The following PDZRN3 variants were observed in gnomAD, a reference collection of about 807,000 sequenced individuals.
PDZRN3 encodes the protein PDZ domain containing ring finger 3.
PDZRN3 carries 38 observed loss-of-function variants against 85.7 expected under a neutral mutation model. That is an observed-to-expected ratio of 0.44 (90% CI 0.34 to 0.58). PDZRN3 has a LOEUF of 0.58. Ranked by LOEUF, PDZRN3 falls within the 20% of genes least tolerant of loss-of-function variation. The probability of loss-of-function intolerance (pLI) is 0.01; values close to 1 mark genes in which losing one functional copy is unlikely to be tolerated. For synonymous variants in PDZRN3, 759 were observed against 638.0 expected (o/e 1.19, Z -2.86); for missense variants, 1,629 against 1,506.4 (o/e 1.08, Z -1.35).
rs1301415586 is a variant in PDZRN3 at position 73,624,388 on chromosome 3, G to A, written c.438C>T (p.Cys146=). ...ARPVGRCQEG[C]GLPLTHGEQR... ...GCTCGCCGTGCGTCAAGGGTAGCCC[G>A]CAGCCCTCCTGGCAGCGGCCCACTG... is the stretch of plus-strand genomic sequence containing the variant. Residue 146 remains cysteine (C), a synonymous_variant, in exon 1 of 10, where the codon TGC becomes TGT. Coordinates refer to ENST00000263666, the MANE Select transcript of PDZRN3 (RefSeq NM_015009.3). 7 of 1,311,228 alleles carry A rather than the reference G, an allele frequency of 5.3e-6. No homozygotes were observed. The highest frequency in any genetic ancestry group is 2.2e-5 in the South Asian group (1 of 46,248). 81.2% of individuals were successfully genotyped at this position (1,311,228 alleles called of 1,614,324 possible).
intron 3 of PDZRN3, chr3:73,434,081 T>A: frequency 2.5e-6 from 1 of 406,420 alleles, no homozygotes; most frequent in Non-Finnish European, 3.3e-6. Flanking sequence ...CAGACAATGA[T>A]ACAGAAGCTA....
At chr3:73,546,656 T>C (rs1175112664) in intron 3 of PDZRN3, among the ~76,000 whole-genome samples, 9 of 152,352 alleles carry the variant, frequency 5.9e-5, no homozygotes, top group East Asian at 3.9e-4. Context: ...AAACATTTTA[T>C]AGTTGCCCTG....
intron 3 of PDZRN3, among the ~76,000 whole-genome samples, chr3:73,446,202 GC>G (rs542253119): frequency 2.3e-4 from 35 of 152,114 alleles, no homozygotes; most frequent in Non-Finnish European, 4.7e-4. Context: ...TCTGAGTTCT[GC>G]CCACCTTCTC....
In PDZRN3 at chr3:73,416,524, G is replaced by A. The variant is rs180881306; in HGVS notation, c.919-12129C>T. Among the ~76,000 whole-genome samples the A allele has an allele frequency of 3.9e-5, 6 of 151,938 alleles. No homozygotes were observed. The East Asian group carries it at 1.2e-3, about 29-fold the overall frequency. ...TCCCTCACAAGTACATGTGGATGTT[G>A]AGGACACTGCCTACTATTCTTACCC... is the stretch of plus-strand genomic sequence containing the variant. On this transcript the variant is annotated intron_variant, in intron 3 of 9. Coordinates refer to ENST00000263666, the MANE Select transcript of PDZRN3 (RefSeq NM_015009.3).
intron 3 of PDZRN3, among the ~76,000 whole-genome samples, chr3:73,523,321 G>A (rs951366281): frequency 2.0e-5 from 3 of 151,916 alleles, no homozygotes; most frequent in South Asian, 2.1e-4. Context: ...GCCACCATAC[G>A]GGGCCAAAAG....
chr3:73,584,662 T>C (rs1326274484), intron 3 of PDZRN3, among the ~76,000 whole-genome samples: 1 of 152,232 alleles, frequency 6.6e-6, no homozygotes, highest in Non-Finnish European at 1.5e-5. Flanking sequence ...AGTATTACTA[T>C]GGTATGTCCT....
At position 73,384,403 on chromosome 3, in the gene PDZRN3, C is replaced by T; in HGVS notation, c.2163G>A (p.Leu721=). The change falls in exon 10 of 10, where the codon CTG becomes CTA. Residue 721 remains leucine, a synonymous_variant. Coordinates refer to ENST00000263666, the MANE Select transcript of PDZRN3 (RefSeq NM_015009.3). Reference sequence around the variant, plus strand: ...TGTAGTTGCGGAAGCCGCTGTTGTGCAGCATCCAGGACTCGCGGTACTGCT... The same window carrying T: ...TGTAGTTGCGGAAGCCGCTGTTGTGTAGCATCCAGGACTCGCGGTACTGCT... ...LKEQYRESWM[L]HNSGFRNYNT... 1 of 1,609,732 alleles carries T rather than the reference C, an allele frequency of 6.2e-7. No individual in the cohort carries two copies. Among genetic ancestry groups the T allele is most frequent in the Non-Finnish European group, 8.5e-7 (1 of 1,179,954 alleles).
At chr3:73,417,609 T>TAGAA (rs1702118179) in intron 3 of PDZRN3, among the ~76,000 whole-genome samples, 1 of 152,236 alleles carries the variant, frequency 6.6e-6, no homozygotes, top group Non-Finnish European at 1.5e-5. Context: ...TATTTGCCTC[T>TAGAA]CTTCTGCTGT....
intron 7 of PDZRN3, among the ~76,000 whole-genome samples, chr3:73,388,985 T>G (rs891557485): frequency 7.0e-6 from 1 of 143,458 alleles, no homozygotes; most frequent in African/African-American, 2.6e-5. Context: ...CCCTGACCCT[T>G]CAGGTGTGAA....
chr3:73,600,230 G>A (rs1015746263), intron 3 of PDZRN3, among the ~76,000 whole-genome samples: 2 of 139,070 alleles, frequency 1.4e-5, no homozygotes, highest in Non-Finnish European at 3.2e-5. Flanking sequence ...AAGATCTGGT[G>A]GTGGTTTGCC....
chr3:73,435,819 T>C (rs916666459), intron 3 of PDZRN3, among the ~76,000 whole-genome samples: 4 of 152,206 alleles, frequency 2.6e-5, no homozygotes, highest in African/African-American at 9.6e-5. Context: ...CAGAAAGGGA[T>C]GACTCCACCG....
chr3:73,537,465 A>C (rs1704814579), intron 3 of PDZRN3, among the ~76,000 whole-genome samples: 1 of 152,338 alleles, frequency 6.6e-6, no homozygotes, highest in East Asian at 1.9e-4. Flanking sequence ...CTGTGACACT[A>C]ATCAGTCTAA....
At chr3:73,578,272 C>T (rs943145209) in intron 3 of PDZRN3, among the ~76,000 whole-genome samples, 3 of 151,730 alleles carry the variant, frequency 2.0e-5, no homozygotes, top group Non-Finnish European at 2.9e-5. Flanking sequence ...CAGGTCCACG[C>T]GATTCTCCTG....
In PDZRN3 at chr3:73,478,190, G is replaced by T. The variant is rs1703495640; in HGVS notation, c.919-73795C>A. Among the ~76,000 whole-genome samples the T allele has an allele frequency of 2.0e-5, 3 of 152,266 alleles. No homozygotes were observed. In the South Asian group the frequency reaches 6.2e-4, roughly 32 times the overall value. On this transcript the variant is annotated intron_variant, in intron 3 of 9. Coordinates refer to ENST00000263666, the MANE Select transcript of PDZRN3 (RefSeq NM_015009.3). ...CTTGGGGTTTCCAACCCCAGGACTG[G>T]TACCAGTCTGTGGCCTGTTAGTAAC...
intron 3 of PDZRN3, among the ~76,000 whole-genome samples, chr3:73,591,201 T>C (rs770356000): frequency 6.6e-6 from 1 of 152,234 alleles, no homozygotes; most frequent in Non-Finnish European, 1.5e-5. Flanking sequence ...AGATGAACTG[T>C]TCCTAATTTT....
At chr3:73,404,505 G>T in intron 3 of PDZRN3, 110 bp from the exon 4 acceptor site, 1 of 1,207,462 alleles carries the variant, frequency 8.3e-7, no homozygotes, top group East Asian at 2.4e-5. Flanking sequence ...AAAGAAGCAG[G>T]TGGTGGTGTC....
chr3:73,537,606 C>CT lies in PDZRN3; in HGVS notation c.918+64747dup, dbSNP rs11289800. ...AAAGGCCAATAAGACCTGTTATCTT[C>CT]TTTTTTTTAATTAAATTAATTTATT... is the stretch of plus-strand genomic sequence containing the variant. On this transcript the variant is annotated intron_variant, in intron 3 of 9. Transcript: ENST00000263666. 7.2e-3 allele frequency among the ~76,000 whole-genome samples: 1,097 copies of CT among 151,732 alleles called. 13 individuals are homozygous for CT. The highest frequency in any genetic ancestry group is 0.025 in the African/African-American group (1,052 of 41,304).
chr3:73,476,773 C>A (rs1281636556), intron 3 of PDZRN3, among the ~76,000 whole-genome samples: 2 of 152,152 alleles, frequency 1.3e-5, no homozygotes, highest in Non-Finnish European at 2.9e-5. Context: ...TTACCAATAG[C>A]CAGTGAAGAC....
rs541381755 is a variant in PDZRN3, at chr3:73,530,089, C to T, written c.918+72265G>A. On this transcript the variant is annotated intron_variant, in intron 3 of 9. Transcript: ENST00000263666. Reference sequence around the variant, plus strand: ...ATTTCTTAAACTCTGATAACCATTACGAAAGCCCAGTGCAAAGCCACAGAA... The same window carrying T: ...ATTTCTTAAACTCTGATAACCATTATGAAAGCCCAGTGCAAAGCCACAGAA... 2.5e-4 allele frequency among the ~76,000 whole-genome samples: 38 copies of T among 152,266 alleles called. No individual in the cohort carries two copies. In the South Asian group the frequency reaches 7.3e-3, roughly 29 times the overall value.
Sources: allele counts gnomAD v4.1 joint callset (sites outside exome capture counted in the v4.1 genomes callset), GRCh38; gene constraint gnomAD v4.1.1; transcripts MANE v1.5; gene names NCBI Gene and HGNC (gene_info 2026-07-23, HGNC 2026-07-21).